CTNNA3: variants seen among roughly 807,000 people sequenced by gnomAD.
CTNNA3 encodes catenin alpha-3.
In CTNNA3, 76 loss-of-function variants were observed where a neutral mutation model predicts 95.7. The ratio of observed to expected loss-of-function variants is 0.79; its 90% CI spans 0.66 to 0.96. CTNNA3 has a LOEUF of 0.96. Among genes scored for constraint, CTNNA3 ranks in the 40% least tolerant of loss-of-function variants. The pLI is 0.00. For missense variants in CTNNA3, 1,191 were observed against 1,089.8 expected (o/e 1.09, Z -1.31); for synonymous variants, 431 against 374.4 (o/e 1.15, Z -1.74).
At chr10:67,653,394 G>A (rs578067941) in intron 1 of CTNNA3, among the ~76,000 whole-genome samples, 3 of 152,208 alleles carry the variant, frequency 2.0e-5, no homozygotes, top group African/African-American at 7.2e-5. Flanking sequence ...AACTACATAT[G>A]TCCCTCTTCT....
chr10:66,798,675 G>A (rs1841307734), intron 7 of CTNNA3, among the ~76,000 whole-genome samples: 1 of 151,584 alleles, frequency 6.6e-6, no homozygotes, highest in Non-Finnish European at 1.5e-5. Flanking sequence ...GGTGCATACA[G>A]GTAAACTTTG....
At chr10:66,077,122 T>C (rs1051677926) in intron 14 of CTNNA3, among the ~76,000 whole-genome samples, 39 of 151,778 alleles carry the variant, frequency 2.6e-4, no homozygotes, top group Admixed American at 1.8e-3. Flanking sequence ...AAGAGAATGT[T>C]CATTATTTTG....
At chr10:66,374,617 T>C (rs1317552350) in intron 12 of CTNNA3, among the ~76,000 whole-genome samples, 3 of 137,696 alleles carry the variant, frequency 2.2e-5, no homozygotes, top group South Asian at 2.6e-4. Flanking sequence ...TTTTTTTTTT[T>C]TTTTTTTTTT....
At chr10:67,425,661 T>A (rs1270104139) in intron 5 of CTNNA3, among the ~76,000 whole-genome samples, 1 of 151,958 alleles carries the variant, frequency 6.6e-6, no homozygotes, top group Non-Finnish European at 1.5e-5. Context: ...GAAGGTAGGG[T>A]TCTTCAAGTG....
chr10:67,428,909 G>T (rs1846010242), intron 5 of CTNNA3, among the ~76,000 whole-genome samples: 1 of 151,882 alleles, frequency 6.6e-6, no homozygotes, highest in African/African-American at 2.4e-5. Context: ...TTGCTCCTCA[G>T]CTTGCAGACA....
chr10:66,529,930 T>C (rs1386146), intron 10 of CTNNA3, among the ~76,000 whole-genome samples: 4,439 of 152,222 alleles, frequency 0.029, 229 homozygotes, highest in African/African-American at 0.1. Flanking sequence ...GAAATACATG[T>C]ATGCATACAC....
intron 7 of CTNNA3, among the ~76,000 whole-genome samples, chr10:67,163,317 G>GA (rs1414491391): frequency 6.6e-6 from 1 of 151,902 alleles, no homozygotes; most frequent in African/African-American, 2.4e-5. Flanking sequence ...TTTGATATTT[G>GA]AAAATCAATG....
chr10:67,345,881 A>G (rs2263290), intron 5 of CTNNA3, among the ~76,000 whole-genome samples: 135,115 of 152,038 alleles, frequency 0.89, 61,134 homozygotes, highest in East Asian at 1. Flanking sequence ...TTTGTTTTCT[A>G]GTTGTTTTGT....
chr10:67,481,542 C>T (rs1395387448), intron 5 of CTNNA3, among the ~76,000 whole-genome samples: 5 of 152,014 alleles, frequency 3.3e-5, no homozygotes, highest in Non-Finnish European at 7.4e-5. Context: ...CCCCACCCCA[C>T]CAAAAGAAAA....
intron 5 of CTNNA3, among the ~76,000 whole-genome samples, chr10:67,370,555 G>A (rs941669548): frequency 6.6e-6 from 1 of 152,064 alleles, no homozygotes; most frequent in Non-Finnish European, 1.5e-5. Flanking sequence ...TAATTTGGGG[G>A]TCCTGGTTAT....
chr10:66,338,058 C>A (rs2092414597), intron 12 of CTNNA3, among the ~76,000 whole-genome samples: 1 of 151,930 alleles, frequency 6.6e-6, no homozygotes, highest in African/African-American at 2.4e-5. Flanking sequence ...AAATGTTCAT[C>A]AGTTTAAGAA....
At position 66,235,941 on chromosome 10, in the gene CTNNA3, G is replaced by A. The variant is rs112191680; in HGVS notation, c.1884+44529C>T. ...TTTGACTAAAAACATTTTTTCTCAC[G>A]TCTATTTTCTCATAGTAGCACTTTT... On this transcript the variant is annotated intron_variant, in intron 13 of 17. Transcript: ENST00000433211. 2.1e-3 allele frequency among the ~76,000 whole-genome samples: 326 copies of A among 152,024 alleles called. 2 individuals are homozygous for A. Among genetic ancestry groups the A allele is most frequent in the African/African-American group, 7.5e-3 (311 of 41,460 alleles).
chr10:67,407,157 CA>C (rs1185806374), intron 5 of CTNNA3, among the ~76,000 whole-genome samples: 1 of 151,994 alleles, frequency 6.6e-6, no homozygotes, highest in Non-Finnish European at 1.5e-5. Flanking sequence ...ACATTGATAC[CA>C]AAAATCCTCA....
chr10:67,316,777 C>T (rs1841068978), intron 5 of CTNNA3, among the ~76,000 whole-genome samples: 1 of 152,106 alleles, frequency 6.6e-6, no homozygotes, highest in African/African-American at 2.4e-5. Flanking sequence ...TCCTCACATT[C>T]AGAGGAGGTG....
intron 11 of CTNNA3, among the ~76,000 whole-genome samples, chr10:66,439,060 C>T (rs1455639606): frequency 2.0e-5 from 3 of 152,082 alleles, no homozygotes; most frequent in Non-Finnish European, 4.4e-5. Flanking sequence ...GAGTCAGGTA[C>T]CTCAGTTGGA....
At chr10:66,376,556 C>T (rs902998368) in intron 12 of CTNNA3, among the ~76,000 whole-genome samples, 1 of 152,042 alleles carries the variant, frequency 6.6e-6, no homozygotes, top group Non-Finnish European at 1.5e-5. Flanking sequence ...ATCAAAGGTG[C>T]TATGTTCTAA....
intron 5 of CTNNA3, among the ~76,000 whole-genome samples, chr10:67,488,293 A>C (rs1170445144): frequency 2.0e-5 from 3 of 152,234 alleles, no homozygotes; most frequent in Admixed American, 2.0e-4. Flanking sequence ...AAAGGAAATA[A>C]ATGGCTCTCC....
chr10:66,933,824 T>C (rs771778637), intron 7 of CTNNA3, among the ~76,000 whole-genome samples: 24 of 152,190 alleles, frequency 1.6e-4, no homozygotes, highest in Non-Finnish European at 3.1e-4. Flanking sequence ...CTCCGCTGGA[T>C]GTAGCTGCTC....
chr10:67,736,741 C>T (rs1028804504), intron 1 of CTNNA3, among the ~76,000 whole-genome samples: 4 of 152,104 alleles, frequency 2.6e-5, no homozygotes, highest in African/African-American at 9.7e-5. Context: ...GGAGCCACCA[C>T]ACCCGGCCCA....
Sources: allele counts gnomAD v4.1 joint callset (sites outside exome capture counted in the v4.1 genomes callset), GRCh38; gene constraint gnomAD v4.1.1; transcripts MANE v1.5; gene names NCBI Gene and HGNC (gene_info 2026-07-23, HGNC 2026-07-21).